The following TRPV4 variants were observed in gnomAD, a reference collection of about 807,000 sequenced individuals.
TRPV4 encodes the protein OSM9-like transient receptor potential channel 4.
A neutral mutation model predicts 84.1 loss-of-function variants in TRPV4; 58 were observed. The observed-to-expected ratio is 0.69, with a 90% CI of 0.56 to 0.86. TRPV4 has a LOEUF of 0.86. TRPV4 is among the 40% of genes least tolerant of loss of function. The probability of loss-of-function intolerance (pLI) is 0.00; values close to 1 mark genes in which losing one functional copy is unlikely to be tolerated. For synonymous variants in TRPV4, 489 were observed against 500.9 expected, an observed-to-expected ratio of 0.98 and a Z score of 0.32; for missense variants, 879 against 1,181.1, an observed-to-expected ratio of 0.74 and a Z score of 3.75.
chr12:109,784,195 G>A (rs966331189), intron 15 of TRPV4, 121 bp downstream of exon 15: 139 of 1,497,926 alleles, frequency 9.3e-5, no homozygotes, highest in Non-Finnish European at 1.2e-4. Flanking sequence ...GGAAGCTCAG[G>A]GGCACACTCT....
At chr12:109,820,874 C>T (rs1892074218) in intron 1 of TRPV4, among the ~76,000 whole-genome samples, 1 of 152,144 alleles carries the variant, frequency 6.6e-6, no homozygotes, top group Non-Finnish European at 1.5e-5. Flanking sequence ...GAGGTATATA[C>T]CTTGAGTCAA....
chr12:109,800,189 C>T (rs776709341), intron 5 of TRPV4, among the ~76,000 whole-genome samples: 3 of 152,194 alleles, frequency 2.0e-5, no homozygotes, highest in Non-Finnish European at 2.9e-5. Context: ...AGGTGATCCA[C>T]CTGCCTCATC....
At position 109,786,509 on chromosome 12, in the gene TRPV4, T is replaced by C. The variant is rs1889693001; in HGVS notation, c.2336+201A>G. Among the ~76,000 whole-genome samples, 1 of 152,204 alleles carries C rather than the reference T, an allele frequency of 6.6e-6. No individual in the cohort carries two copies. The highest frequency in any genetic ancestry group is 2.4e-5 in the African/African-American group (1 of 41,460). On this transcript the variant is annotated intron_variant, in intron 14 of 15. Transcript: ENST00000261740. This position sits in a 1 kb window ranked among gnomAD's most constrained non-coding sequence, Gnocchi z 4.5. ...GGAGCCCGTGAGATCATTGTCTCAT[T>C]CCACAGATGAAGAAACTGAGGCTGA...
intron 5 of TRPV4, among the ~76,000 whole-genome samples, chr12:109,799,765 C>CT (rs990458841): frequency 9.2e-5 from 14 of 151,608 alleles, no homozygotes; most frequent in Admixed American, 3.3e-4. Flanking sequence ...TTGTTCTTTT[C>CT]TTTTTGCTTT....
chr12:109,812,288 TAGGGGCCACATGCTGTGGCC>T (rs1423434177), intron 2 of TRPV4, among the ~76,000 whole-genome samples: 1 of 152,222 alleles, frequency 6.6e-6, no homozygotes, highest in African/African-American at 2.4e-5. Context: ...GAATGCGTCA[TAGGGGCCACATGCTGTGGCC>T]CCATCCAGGG....
At position 109,814,509 on chromosome 12, in the gene TRPV4, C is replaced by A. The variant is rs1456271134; in HGVS notation, c.288G>T (p.Val96=). The A allele has an allele frequency of 6.2e-7, 1 of 1,614,068 alleles. No individual in the cohort carries two copies. Among genetic ancestry groups the A allele is most frequent in the Non-Finnish European group, 8.5e-7 (1 of 1,179,982 alleles). The part of the protein sequence containing the change: ...LESTLYESSV[V]PGPKKAPMDS... ...CCATGGGTGCTTTCTTGGGCCCAGG[C>A]ACCACCGAGGACTCATATAGGGTGG... Residue 96 remains valine, a synonymous_variant, in exon 2 of 16, where the codon GTG becomes GTT. Coordinates refer to ENST00000261740, the MANE Select transcript of TRPV4 (RefSeq NM_021625.5). The surrounding 1 kb of genome is among the most constrained non-coding windows in gnomAD (Gnocchi z 5.4).
intron 14 of TRPV4, 68 bp from the exon 15 acceptor site, chr12:109,784,505 C>T (rs1889557178): frequency 6.2e-7 from 1 of 1,611,150 alleles, no homozygotes; most frequent in Non-Finnish European, 8.5e-7. Flanking sequence ...CCATCCCCAG[C>T]ACACCCTCCT....
At chr12:109,807,094 T>G (rs1891188538) in intron 3 of TRPV4, among the ~76,000 whole-genome samples, 1 of 151,916 alleles carries the variant, frequency 6.6e-6, no homozygotes, top group Non-Finnish European at 1.5e-5. Context: ...CTGACCAACA[T>G]GGAGCGACCC....
chr12:109,808,227 G>C, intron 3 of TRPV4, 69 bp downstream of exon 3: 1 of 1,583,318 alleles, frequency 6.3e-7, no homozygotes. Flanking sequence ...GGGGAAAGGG[G>C]GCCCCCAATG....
intron 5 of TRPV4, 100 bp from the exon 6 acceptor site, chr12:109,799,012 T>G: frequency 4.2e-6 from 5 of 1,180,760 alleles, no homozygotes; most frequent in Non-Finnish European, 6.0e-6. Context: ...GCTCTGAGGA[T>G]AATGACGGAG....
chr12:109,810,540 C>A (rs1011420383), intron 2 of TRPV4, among the ~76,000 whole-genome samples: 1 of 152,180 alleles, frequency 6.6e-6, no homozygotes, highest in Non-Finnish European at 1.5e-5. Flanking sequence ...CTCCTCCCTT[C>A]CTCTTCGCCA....
rs767885344 is a variant in TRPV4 at position 109,788,583 on chromosome 12, C to T, written c.2025G>A (p.Lys675=). 6.2e-7 allele frequency: 1 copy of T among 1,614,272 alleles called. No individual in the cohort carries two copies. The highest frequency in any genetic ancestry group is 8.5e-7 in the Non-Finnish European group (1 of 1,180,046). Residue 675 remains lysine (K), a synonymous_variant, in exon 13 of 16, where the codon AAG becomes AAA. Coordinates refer to ENST00000261740, the MANE Select transcript of TRPV4 (RefSeq NM_021625.5). ...CCAGGTCGCCCATGCCGATGGTCAG[C>T]TTAAACAGGTCCAGGAGGAAGGTGC... ...TFSTFLLDLF[K]LTIGMGDLEM...
rs1193945019 is a variant in TRPV4, at chr12:109,808,430, G to A, written c.425C>T (p.Pro142Leu). Residue 142 changes from proline to leucine, a missense_variant, in exon 3 of 16, where the codon CCG becomes CTG. Physicochemically the swap from Pro to Leu is moderately conservative, Grantham distance 98 (BLOSUM62 -3). Coordinates refer to ENST00000261740, the MANE Select transcript of TRPV4 (RefSeq NM_021625.5). ...GTTGAAGACTTTGAGGATGGGGGGC[G>A]GCTGAGGGGCAGGGGCTTTGGGGCT... Reference protein sequence around the residue: ...PQSPKAPAPQPPPILKVFNRP... With the variant: ...PQSPKAPAPQLPPILKVFNRP... The A allele has an allele frequency of 1.1e-5, 18 of 1,613,946 alleles. No homozygotes were observed. The highest frequency in any genetic ancestry group is 1.4e-5 in the Non-Finnish European group (16 of 1,179,976).
chr12:109,816,240 A>G (rs1394814587), intron 1 of TRPV4, among the ~76,000 whole-genome samples: 1 of 152,178 alleles, frequency 6.6e-6, no homozygotes, highest in Non-Finnish European at 1.5e-5. Context: ...CAGAGCTCCC[A>G]CTGGGGGTGG....
intron 3 of TRPV4, among the ~76,000 whole-genome samples, chr12:109,807,503 C>T (rs1891224517): frequency 6.6e-6 from 1 of 151,862 alleles, no homozygotes; most frequent in Non-Finnish European, 1.5e-5. Context: ...GCCTTGGCCT[C>T]CCAAAGTGCT....
In TRPV4 at chr12:109,814,695, G is replaced by A. The variant is rs745539748; in HGVS notation, c.102C>T (p.Ser34=). ...CCCCCTCAAACAGATTGGCCAGGGAGGAGAGAGGAAAAGCCTCCCCACCTG... is the reference window on the plus strand; with the variant it reads ...CCCCCTCAAACAGATTGGCCAGGGAAGAGAGAGGAAAAGCCTCCCCACCTG... ...GTPGGEAFPL[S]SLANLFEGED... is the part of the protein sequence containing the mutation. Residue 34 remains serine (S), a synonymous_variant, in exon 2 of 16, where the codon TCC becomes TCT. Coordinates refer to ENST00000261740, the MANE Select transcript of TRPV4 (RefSeq NM_021625.5). This position sits in a 1 kb window ranked among gnomAD's most constrained non-coding sequence, Gnocchi z 5.4. 2 of 1,610,862 alleles carry A rather than the reference G, an allele frequency of 1.2e-6. No individual in the cohort carries two copies. Among genetic ancestry groups the A allele is most frequent in the Non-Finnish European group, 1.7e-6 (2 of 1,178,918 alleles).
In TRPV4 at chr12:109,783,159, GC is replaced by G; in HGVS notation, c.*461del. ...CACTACAGAACACACAGAAGGCATG[GC>G]CCCACGCCGAGGGCCCCAGCCCCTT... On this transcript the variant is annotated 3_prime_UTR_variant, in exon 16 of 16. Transcript: ENST00000261740. This position sits in a 1 kb window ranked among gnomAD's most constrained non-coding sequence, Gnocchi z 4.6. The G allele has an allele frequency of 5.9e-6, 1 of 169,542 alleles. No homozygotes were observed. The highest frequency in any genetic ancestry group is 1.3e-5 in the Non-Finnish European group (1 of 79,266). 10.5% of individuals were successfully genotyped at this position (169,542 alleles called of 1,614,324 possible). A position where few individuals can be genotyped will look rare whatever the true frequency, so the allele number is the denominator to read the frequency against.
intron 1 of TRPV4, among the ~76,000 whole-genome samples, chr12:109,830,558 G>A (rs577150371): frequency 8.5e-5 from 13 of 152,282 alleles, no homozygotes; most frequent in South Asian, 8.3e-4. Flanking sequence ...CCAAATGGGC[G>A]ATGTGGAGCA....
At chr12:109,810,838 G>A (rs1565880746) in intron 2 of TRPV4, among the ~76,000 whole-genome samples, 1 of 152,138 alleles carries the variant, frequency 6.6e-6, no homozygotes, top group African/African-American at 2.4e-5. Context: ...TGGGGAGGAG[G>A]GCTTGCGGGA....
Sources: gnomAD v4.1 joint callset for allele counts (sites outside exome capture counted in the v4.1 genomes callset) on GRCh38, gnomAD v4.1.1 for gene constraint, Gnocchi (gnomAD v3.1) non-coding constraint, MANE v1.5 for transcripts, NCBI Gene and HGNC (gene_info 2026-07-23, HGNC 2026-07-21) for gene names.